JAKMIP3: variants seen among roughly 807,000 people sequenced by gnomAD.
JAKMIP3 encodes the protein janus kinase and microtubule-interacting protein 3.
In JAKMIP3, 58 loss-of-function variants were observed where a neutral mutation model predicts 118.5. The ratio of observed to expected loss-of-function variants is 0.49; its 90% confidence interval spans 0.40 to 0.61. JAKMIP3 has a LOEUF of 0.61. Ranked by LOEUF, JAKMIP3 falls within the 20% of genes least tolerant of loss-of-function variation. The pLI, the probability that JAKMIP3 is intolerant of heterozygous loss-of-function variation, is 0.00. For synonymous variants in JAKMIP3, 486 were observed against 451.2 expected, an observed-to-expected ratio of 1.08 and a Z score of -0.98; for missense variants, 950 against 1,109.0, an observed-to-expected ratio of 0.86 and a Z score of 2.04.
intron 1 of JAKMIP3, among the ~76,000 whole-genome samples, chr10:132,057,182 C>T (rs954883497): frequency 2.6e-5 from 4 of 152,198 alleles, no homozygotes; most frequent in Non-Finnish European, 5.9e-5. Flanking sequence ...GCTGTGCTGG[C>T]TGCTGGCCAC....
At chr10:132,137,233 C>T (rs1468980280) in intron 7 of JAKMIP3, 21 bp from the exon 8 acceptor site, 1 of 1,613,932 alleles carries the variant, frequency 6.2e-7, no homozygotes, top group Non-Finnish European at 8.5e-7. Context: ...AATTCCGTAA[C>T]ATGCTGTCTT....
chr10:132,125,421 T>C (rs934582501), intron 3 of JAKMIP3, among the ~76,000 whole-genome samples: 15 of 152,280 alleles, frequency 9.9e-5, no homozygotes, highest in African/African-American at 3.4e-4. Context: ...TACGTTCTGC[T>C]GGTCTGGTGC....
rs528681021 is a variant in JAKMIP3 at position 132,107,332 on chromosome 10, G to A, written c.135+2389G>A. On this transcript the variant is annotated intron_variant, in intron 2 of 23. Coordinates refer to ENST00000684848, the MANE Select transcript of JAKMIP3 (RefSeq NM_001323087.2). ...AAAACACATCCATCTGTGACGCCCC[G>A]AGGGACACACGCTCCTTGATGGTCA... 8.3e-4 allele frequency among the ~76,000 whole-genome samples: 127 copies of A among 152,302 alleles called. No homozygotes were observed. In the South Asian group the frequency reaches 0.013, roughly 15 times the overall value.
chr10:132,093,931 A>G (rs1419645599), intron 1 of JAKMIP3, among the ~76,000 whole-genome samples: 1 of 103,622 alleles, frequency 9.7e-6, no homozygotes, highest in Non-Finnish European at 1.8e-5. Context: ...TCTTGTATCT[A>G]TTTTTTTTTT....
chr10:132,153,373 A>T (rs1401863078), intron 17 of JAKMIP3, among the ~76,000 whole-genome samples: 1 of 152,132 alleles, frequency 6.6e-6, no homozygotes, highest in Non-Finnish European at 1.5e-5. Flanking sequence ...TCCCACCCCT[A>T]GCCCTGACCT....
rs2071969326 is a variant in JAKMIP3 at position 132,118,013 on chromosome 10, AC to A, written c.633+440del. Among the ~76,000 whole-genome samples the A allele has an allele frequency of 6.6e-6, 1 of 151,930 alleles. No individual in the cohort carries two copies. Among genetic ancestry groups the A allele is most frequent in the Non-Finnish European group, 1.5e-5 (1 of 67,966 alleles). On this transcript the variant is annotated intron_variant, in intron 3 of 23. Coordinates refer to ENST00000684848, the MANE Select transcript of JAKMIP3 (RefSeq NM_001323087.2). The surrounding 1 kb of genome is among the most constrained non-coding windows in gnomAD (Gnocchi z 4.8). ...CGCAGCAGGAGTCCCACACATCCTC[AC>A]GGGGGGACTCAGAGGGAATTCTCCA...
chr10:132,180,580 CGTGCGCGT>C lies in JAKMIP3; in HGVS notation c.*1104-1773_*1104-1766del, dbSNP rs1415679327. ...ATGCGTGTGTGTGCGTGTGTGTGTG[CGTGCGCGT>C]GTGTGTGTGCGTGCGCGTGTGTGTG... On this transcript the variant is annotated intron_variant, in intron 23 of 23. Transcript: ENST00000684848. 3.9e-3 allele frequency among the ~76,000 whole-genome samples: 51 copies of C among 12,972 alleles called. 4 individuals carry two copies. The highest frequency in any genetic ancestry group is 0.024 in the African/African-American group (45 of 1,854). 8.5% of individuals were successfully genotyped at this position (12,972 alleles called of 152,430 possible).
chr10:132,126,966 A>G (rs1035675278), intron 3 of JAKMIP3, among the ~76,000 whole-genome samples: 1 of 152,142 alleles, frequency 6.6e-6, no homozygotes, highest in Non-Finnish European at 1.5e-5. Context: ...TGATTTTGGA[A>G]CTATTCTCCT....
At chr10:132,071,758 A>C (rs186755930) in intron 1 of JAKMIP3, among the ~76,000 whole-genome samples, 39 of 152,066 alleles carry the variant, frequency 2.6e-4, no homozygotes, top group Admixed American at 1.3e-3. Flanking sequence ...CTTTATATTT[A>C]GAGTGGGTTT....
At chr10:132,107,047 C>G (rs956285696) in intron 2 of JAKMIP3, among the ~76,000 whole-genome samples, 4 of 116,380 alleles carry the variant, frequency 3.4e-5, no homozygotes, top group Admixed American at 8.8e-5. Context: ...CCATGTCCGG[C>G]TATTTTTTTT....
intron 1 of JAKMIP3, among the ~76,000 whole-genome samples, chr10:132,048,803 AT>A (rs57114898): frequency 0.59 from 89,598 of 150,716 alleles, 27,629 homozygotes; most frequent in East Asian, 0.99. Context: ...CCCCCGACTA[AT>A]TTTTTTTTGT....
chr10:132,180,560 T>TGC lies in JAKMIP3; in HGVS notation c.*1104-1796_*1104-1795insCG, dbSNP rs1278460112. 2.1e-3 allele frequency among the ~76,000 whole-genome samples: 111 copies of TGC among 51,816 alleles called. 33 individuals carry two copies. Among genetic ancestry groups the TGC allele is most frequent in the African/African-American group, 0.013 (109 of 8,380 alleles). The allele number at this position is 51,816 out of a possible 152,430, so 34.0% of individuals were successfully genotyped here. On this transcript the variant is annotated intron_variant, in intron 23 of 23. Coordinates refer to ENST00000684848, the MANE Select transcript of JAKMIP3 (RefSeq NM_001323087.2). ...GTGTGTGTGTGCGTGCGTGCATGCG[T>TGC]GTGTGTGCGTGTGTGTGTGCGTGCG...
intron 11 of JAKMIP3, among the ~76,000 whole-genome samples, 199 bp from the exon 12 acceptor site, chr10:132,144,908 G>A (rs1443543272): frequency 6.6e-6 from 1 of 151,982 alleles, no homozygotes; most frequent in Admixed American, 6.6e-5. Context: ...CAGTCTGGAT[G>A]ACAGAGCCAA....
chr10:132,106,365 A>AAAAC (rs574668627), intron 2 of JAKMIP3, among the ~76,000 whole-genome samples: 33,503 of 151,340 alleles, frequency 0.22, 4,172 homozygotes, highest in African/African-American at 0.35. Flanking sequence ...TTTAAAAAAA[A>AAAAC]AAACCCACAG....
rs113280538 is a variant in JAKMIP3 at position 132,042,887 on chromosome 10, C to T, written c.-138+6149C>T. 8.1e-3 allele frequency among the ~76,000 whole-genome samples: 1,214 copies of T among 150,440 alleles called. 7 individuals carry two copies. Among genetic ancestry groups the T allele is most frequent in the Admixed American group, 0.019 (282 of 15,088 alleles). On this transcript the variant is annotated intron_variant, in intron 1 of 23. Coordinates refer to the JAKMIP3 transcript ENST00000657785. ...GGTGGATTGCTTGAATCTAAGAGTT[C>T]GAGACCAGCCTGGGCATCATGGCAA...
intron 17 of JAKMIP3, among the ~76,000 whole-genome samples, chr10:132,153,328 C>T (rs959191115): frequency 2.0e-5 from 3 of 152,236 alleles, no homozygotes; most frequent in Non-Finnish European, 4.4e-5. Context: ...CCCTGACCCC[C>T]TTCTGGGGCC....
chr10:132,173,349 G>A (rs1303281847), intron 23 of JAKMIP3, among the ~76,000 whole-genome samples: 2 of 150,534 alleles, frequency 1.3e-5, no homozygotes, highest in African/African-American at 4.9e-5. Context: ...ACTGGCGGTA[G>A]CAGATACTTG....
chr10:132,138,848 C>T (rs535923768), intron 9 of JAKMIP3, among the ~76,000 whole-genome samples: 1 of 152,238 alleles, frequency 6.6e-6, no homozygotes, highest in Non-Finnish European at 1.5e-5. Flanking sequence ...CCTGTCCTGC[C>T]GTTCACCGTC....
At position 132,143,064 on chromosome 10, in the gene JAKMIP3, C is replaced by T. The variant is rs185719069; in HGVS notation, c.1602+1016C>T. On this transcript the variant is annotated intron_variant, in intron 11 of 23. Transcript: ENST00000684848. ...CGTGGCTGGTTTCCCTCCTGCCTTC[C>T]TGGCACCTCATTGGGGACGTCTGTT... Among the ~76,000 whole-genome samples, 96 of 151,938 alleles carry T rather than the reference C, an allele frequency of 6.3e-4. 1 individual carries two copies. Among genetic ancestry groups the T allele is most frequent in the Non-Finnish European group, 1.2e-3 (80 of 67,902 alleles).
Sources: gnomAD v4.1 joint callset for allele counts (sites outside exome capture counted in the v4.1 genomes callset) on GRCh38, gnomAD v4.1.1 for gene constraint, Gnocchi (gnomAD v3.1) non-coding constraint, MANE v1.5 for transcripts, NCBI Gene and HGNC (gene_info 2026-07-23, HGNC 2026-07-21) for gene names.